Variants in KRIT1 observed in about 807,000 individuals in gnomAD.
KRIT1 encodes the protein krev interaction trapped protein 1.
Under a neutral mutation model 95.8 loss-of-function variants are expected in KRIT1, and 45 were observed. The observed-to-expected ratio is 0.47, with a 90% CI of 0.37 to 0.60. The LOEUF (loss-of-function observed/expected upper bound fraction) is 0.60. KRIT1 is among the 20% of genes least tolerant of loss of function. The pLI is 0.00. For synonymous variants in KRIT1, 282 were observed against 278.8 expected, an observed-to-expected ratio of 1.01 and a Z score of -0.11; for missense variants, 788 against 877.5, an observed-to-expected ratio of 0.90 and a Z score of 1.29.
intron 10 of KRIT1, among the ~76,000 whole-genome samples, chr7:92,233,687 G>A (rs931947872): frequency 7.2e-5 from 11 of 152,192 alleles, no homozygotes; most frequent in Non-Finnish European, 1.6e-4. Context: ...TTACAGGTGT[G>A]AGCCACTGCA....
At chr7:92,211,262 A>T (rs1197227184) in intron 17 of KRIT1, among the ~76,000 whole-genome samples, 1 of 152,250 alleles carries the variant, frequency 6.6e-6, no homozygotes, top group African/African-American at 2.4e-5. Flanking sequence ...AAAGATATGG[A>T]ATCAACCTAA....
chr7:92,237,911 C>T, intron 5 of KRIT1, 152 bp from the exon 6 acceptor site: 1 of 597,720 alleles, frequency 1.7e-6, no homozygotes, highest in Non-Finnish European at 3.0e-6. Flanking sequence ...CTAATAAAAA[C>T]TGATAAATGC....
intron 17 of KRIT1, among the ~76,000 whole-genome samples, chr7:92,211,170 C>T (rs540044967): frequency 6.6e-5 from 10 of 152,298 alleles, no homozygotes; most frequent in South Asian, 2.1e-4. Flanking sequence ...CCAGCAATCT[C>T]ACTACTGAGT....
intron 18 of KRIT1, 73 bp from the exon 19 acceptor site, chr7:92,200,877 C>G: frequency 9.8e-7 from 1 of 1,021,872 alleles, no homozygotes; most frequent in Non-Finnish European, 1.5e-6. Context: ...TGACATTGGG[C>G]AGTTCCCTAT....
At chr7:92,240,075 T>G (rs532103308) in intron 5 of KRIT1, among the ~76,000 whole-genome samples, 51 of 152,250 alleles carry the variant, frequency 3.3e-4, no homozygotes, top group Non-Finnish European at 6.5e-4. Context: ...ACAAAAACTC[T>G]TCAGGCTCTA....
At chr7:92,206,627 C>T (rs1479279189) in intron 17 of KRIT1, 1 of 152,132 alleles carries the variant, frequency 6.6e-6, no homozygotes, top group Non-Finnish European at 1.5e-5. Context: ...GAAGTGACAT[C>T]AGATGTACAG....
rs1375650327 is a variant in KRIT1 at position 92,224,860 on chromosome 7, T to TA, written c.1254+859dup. Among the ~76,000 whole-genome samples the TA allele has an allele frequency of 6.6e-5, 10 of 152,142 alleles. No individual in the cohort carries two copies. The East Asian group carries it at 1.9e-3, about 30-fold the overall frequency. The stretch of plus-strand genomic sequence containing the variant: ...TAGGGATATGTGACAATGAATAGAT[T>TA]AAAATTACGTGTAATCAGGCTGGGC... On this transcript the variant is annotated intron_variant, in intron 12 of 18. Coordinates refer to ENST00000394505, the MANE Select transcript of KRIT1 (RefSeq NM_194454.3).
At chr7:92,212,765 T>A (rs1793139870) in intron 17 of KRIT1, among the ~76,000 whole-genome samples, 1 of 152,228 alleles carries the variant, frequency 6.6e-6, no homozygotes, top group Non-Finnish European at 1.5e-5. Flanking sequence ...ATGAAAAGTT[T>A]CCCTCCTTAC....
intron 17 of KRIT1, among the ~76,000 whole-genome samples, chr7:92,210,790 A>G (rs566493113): frequency 2.0e-5 from 3 of 152,378 alleles, no homozygotes; most frequent in Non-Finnish European, 4.4e-5. Context: ...TCATTAGACT[A>G]GGGACTAATA....
At chr7:92,233,797 C>G (rs531450653) in intron 10 of KRIT1, among the ~76,000 whole-genome samples, 24 of 152,268 alleles carry the variant, frequency 1.6e-4, no homozygotes, top group African/African-American at 5.5e-4. Flanking sequence ...TTATTATATC[C>G]TTTCTAGAAG....
intron 17 of KRIT1, among the ~76,000 whole-genome samples, chr7:92,210,188 AT>A (rs1321298680): frequency 6.6e-6 from 1 of 152,200 alleles, no homozygotes; most frequent in East Asian, 1.9e-4. Context: ...ATAAAAAAAA[AT>A]TCTAAAATTC....
downstream of KRIT1, chr7:92,198,990 G>A (rs889842811): frequency 1.3e-5 from 2 of 152,214 alleles, no homozygotes; most frequent in African/African-American, 4.8e-5. Flanking sequence ...ATAGTGGAAG[G>A]ACAGAATGAA....
intron 17 of KRIT1, among the ~76,000 whole-genome samples, chr7:92,207,509 T>A (rs369846712): frequency 4.6e-5 from 7 of 152,232 alleles, no homozygotes; most frequent in African/African-American, 1.7e-4. Context: ...CAACACTGAA[T>A]GGATCAAAAT....
intron 3 of KRIT1, among the ~76,000 whole-genome samples, chr7:92,242,942 T>A (rs2131792859): frequency 6.6e-6 from 1 of 152,244 alleles, no homozygotes; most frequent in African/African-American, 2.4e-5. Context: ...CTCAGCCTCC[T>A]GAGTAGCCAG....
intron 13 of KRIT1, 118 bp downstream of exon 13, chr7:92,222,704 G>T: frequency 2.9e-6 from 2 of 698,484 alleles, no homozygotes; most frequent in Non-Finnish European, 5.0e-6. Context: ...TAAAAGAGAA[G>T]AACATTGTAT....
At chr7:92,220,688 CTTTTT>C (rs960417752) in intron 14 of KRIT1, among the ~76,000 whole-genome samples, 1 of 98,958 alleles carries the variant, frequency 1.0e-5, no homozygotes, top group Non-Finnish European at 1.9e-5. Flanking sequence ...ATTCATCCTT[CTTTTT>C]TTTTTTTTTT....
chr7:92,203,852 T>C (rs1489146654), intron 17 of KRIT1, among the ~76,000 whole-genome samples: 17 of 152,124 alleles, frequency 1.1e-4, no homozygotes, highest in Admixed American at 1.1e-3. Flanking sequence ...TCTCCTTCAT[T>C]TCCTTTAATG....
chr7:92,223,995 C>G (rs978141834), intron 12 of KRIT1, among the ~76,000 whole-genome samples: 4 of 152,090 alleles, frequency 2.6e-5, no homozygotes, highest in Non-Finnish European at 5.9e-5. Context: ...AAATAAATTG[C>G]AATGAAGTAT....
intron 6 of KRIT1, 25 bp from the exon 7 acceptor site, chr7:92,236,567 T>C: frequency 1.4e-6 from 2 of 1,444,484 alleles, no homozygotes; most frequent in Non-Finnish European, 1.9e-6. Context: ...TGAAGAATTA[T>C]GCTACCATAT....
Sources: gnomAD v4.1 joint callset for allele counts (sites outside exome capture counted in the v4.1 genomes callset) on GRCh38, gnomAD v4.1.1 for gene constraint, MANE v1.5 for transcripts, NCBI Gene and HGNC (gene_info 2026-07-23, HGNC 2026-07-21) for gene names.